The following LRCH3 variants were observed in gnomAD, a reference collection of about 807,000 sequenced individuals.
The protein encoded by LRCH3 is leucine rich repeats and calponin homology domain containing 3.
In LRCH3, 68 loss-of-function variants were observed where a neutral mutation model predicts 104.5. The observed-to-expected ratio is 0.65, with a 90% confidence interval of 0.54 to 0.80. LRCH3 has a LOEUF of 0.80. Ranked by LOEUF, LRCH3 falls within the 30% of genes least tolerant of loss-of-function variation. LRCH3 has a pLI of 0.00. For synonymous variants in LRCH3, 344 were observed against 361.3 expected, an observed-to-expected ratio of 0.95 and a Z score of 0.54; for missense variants, 951 against 953.9, an observed-to-expected ratio of 1.00 and a Z score of 0.04.
chr3:197,792,606 A>AAATATACATATATATAT (rs1730724358), intron 1 of LRCH3, among the ~76,000 whole-genome samples: 1 of 37,946 alleles, frequency 2.6e-5, no homozygotes, highest in African/African-American at 6.4e-5. Context: ...TATATATATA[A>AAATATACATATATATAT]AATATACATA....
intron 12 of LRCH3, chr3:197,852,211 G>A (rs1171230587): frequency 4.9e-6 from 1 of 205,932 alleles, no homozygotes; most frequent in African/African-American, 2.3e-5. Flanking sequence ...ATATGAGGTG[G>A]AGTGGGGTTT....
rs143455842 is a variant in LRCH3 at position 197,791,302 on chromosome 3, T to C, written c.24T>C (p.Ala8=). The C allele has an allele frequency of 1.4e-3, 2,239 of 1,608,846 alleles. 2 individuals carry two copies. The highest frequency in any genetic ancestry group is 1.7e-3 in the Admixed American group (101 of 59,682). ...AAATGGCGGCCGCGGGCTTGGTCGC[T>C]GTGGCAGCGGCTGCCGAGTACTCTG... MAAAGLV[A]VAAAAEYSGT... is the part of the protein sequence containing the mutation. The change falls in exon 1 of 21, where the codon GCT becomes GCC. Residue 8 remains alanine (A), a synonymous_variant. Coordinates refer to ENST00000425562, the MANE Select transcript of LRCH3 (RefSeq NM_001365715.1).
intron 10 of LRCH3, among the ~76,000 whole-genome samples, chr3:197,846,881 G>GTT (rs201067685): frequency 6.6e-6 from 1 of 150,636 alleles, no homozygotes; most frequent in African/African-American, 2.4e-5. Context: ...CTTTTTTTTT[G>GTT]TTTTTTTAAG....
In LRCH3 at chr3:197,879,984, C is replaced by A. The variant is rs569929079; in HGVS notation, c.2209-3557C>A. ...TTTTTGAGACGGAGTCTCGCTCTGT[C>A]ACCCAGGCTGGAGTGCGGTGGCGCG... is the stretch of plus-strand genomic sequence containing the variant. On this transcript the variant is annotated intron_variant, in intron 20 of 20. Coordinates refer to ENST00000425562, the MANE Select transcript of LRCH3 (RefSeq NM_001365715.1). 2.3e-3 allele frequency among the ~76,000 whole-genome samples: 343 copies of A among 148,956 alleles called. 1 individual carries two copies. The highest frequency in any genetic ancestry group is 3.1e-3 in the Non-Finnish European group (210 of 67,536).
At chr3:197,827,531 G>A (rs189275480) in intron 5 of LRCH3, among the ~76,000 whole-genome samples, 360 of 152,270 alleles carry the variant, frequency 2.4e-3, no homozygotes, top group Admixed American at 7.8e-3. Context: ...TTTATCATTC[G>A]GTTAGAAAAT....
intron 3 of LRCH3, among the ~76,000 whole-genome samples, chr3:197,817,905 T>C (rs113659034): frequency 0.023 from 3,509 of 152,146 alleles, 72 homozygotes; most frequent in East Asian, 0.054. Flanking sequence ...ACTGCAAGCT[T>C]TGCCTCCCAG....
At chr3:197,827,302 T>C (rs1410725024) in intron 5 of LRCH3, among the ~76,000 whole-genome samples, 1 of 151,876 alleles carries the variant, frequency 6.6e-6, no homozygotes. Flanking sequence ...TAAACCATAA[T>C]GGAAGCATCA....
At chr3:197,863,355 A>G (rs1741098861) in intron 15 of LRCH3, among the ~76,000 whole-genome samples, 3 of 152,076 alleles carry the variant, frequency 2.0e-5, no homozygotes, top group South Asian at 4.1e-4. Flanking sequence ...CTCCGCCTCC[A>G]TGTTCAAGCG....
intron 14 of LRCH3, among the ~76,000 whole-genome samples, chr3:197,855,329 C>T (rs1481306392): frequency 6.6e-6 from 1 of 152,200 alleles, no homozygotes; most frequent in Non-Finnish European, 1.5e-5. Flanking sequence ...TCATCACACT[C>T]TAGAGTTTTA....
At position 197,812,504 on chromosome 3, in the gene LRCH3, GTT is replaced by G. The variant is rs71623380; in HGVS notation, c.263-2379_263-2378del. 1.7e-3 allele frequency among the ~76,000 whole-genome samples: 83 copies of G among 48,974 alleles called. 2 individuals carry two copies. In the South Asian group the frequency reaches 0.031, roughly 19 times the overall value. The allele number at this position is 48,974 out of a possible 152,430, so 32.1% of individuals were successfully genotyped here. The stretch of plus-strand genomic sequence containing the variant: ...ATATCTGTTCAAGTCTCTGCTTTCA[GTT>G]TTTTTTTTTTTTTTTTTTTTTTTTA... On this transcript the variant is annotated intron_variant, in intron 1 of 20. Coordinates refer to ENST00000425562, the MANE Select transcript of LRCH3 (RefSeq NM_001365715.1).
At chr3:197,794,745 C>T (rs950435937) in intron 1 of LRCH3, among the ~76,000 whole-genome samples, 9 of 152,184 alleles carry the variant, frequency 5.9e-5, no homozygotes, top group Non-Finnish European at 1.2e-4. Context: ...TGGCTCTCGC[C>T]TATAATCCCA....
chr3:197,808,057 A>G (rs528921157), intron 1 of LRCH3, among the ~76,000 whole-genome samples: 54 of 152,316 alleles, frequency 3.5e-4, no homozygotes, highest in African/African-American at 1.3e-3. Flanking sequence ...GTCACCCACA[A>G]ATTCATACAT....
chr3:197,803,401 A>G (rs1402707910), intron 1 of LRCH3, among the ~76,000 whole-genome samples: 1 of 152,192 alleles, frequency 6.6e-6, no homozygotes, highest in Admixed American at 6.5e-5. Flanking sequence ...TACTAGAGAG[A>G]TTCAGGAGAT....
intron 20 of LRCH3, chr3:197,881,425 G>C: frequency 1.0e-6 from 1 of 985,580 alleles, no homozygotes; most frequent in Non-Finnish European, 1.2e-6. Flanking sequence ...GAGCAGATGG[G>C]CTGGAGCTGG....
At chr3:197,873,115 C>T (rs1712428548) in intron 19 of LRCH3, among the ~76,000 whole-genome samples, 1 of 152,116 alleles carries the variant, frequency 6.6e-6, no homozygotes, top group South Asian at 2.1e-4. Flanking sequence ...TGGCAGTCCA[C>T]AAAAGAACAG....
At chr3:197,869,415 G>T (rs552862187) in intron 17 of LRCH3, among the ~76,000 whole-genome samples, 2 of 151,396 alleles carry the variant, frequency 1.3e-5, no homozygotes, top group East Asian at 3.9e-4. Context: ...CACTGTACCT[G>T]CAGGAGGTAG....
At chr3:197,878,276 A>C (rs538676475) in intron 20 of LRCH3, among the ~76,000 whole-genome samples, 2 of 152,306 alleles carry the variant, frequency 1.3e-5, no homozygotes, top group Non-Finnish European at 2.9e-5. Context: ...TCTGAGATTT[A>C]AAGTCCGTAC....
At position 197,835,807 on chromosome 3, in the gene LRCH3, G is replaced by A; in HGVS notation, c.1236G>A (p.Arg412=). 4 of 1,614,106 alleles carry A rather than the reference G, an allele frequency of 2.5e-6. No individual in the cohort carries two copies. Among genetic ancestry groups the A allele is most frequent in the Non-Finnish European group, 3.4e-6 (4 of 1,180,012 alleles). ...AGTTTATGGCGTATATTGAACAGCG[G>A]CGAATCTCTCATGAGGTAGTACACA... ...SSQFMAYIEQ[R]RISHEGSPVK... Residue 412 remains arginine, a synonymous_variant, in exon 9 of 21, where the codon CGG becomes CGA. Coordinates refer to ENST00000425562, the MANE Select transcript of LRCH3 (RefSeq NM_001365715.1).
At chr3:197,838,377 G>A (rs1737219970) in intron 9 of LRCH3, among the ~76,000 whole-genome samples, 1 of 152,220 alleles carries the variant, frequency 6.6e-6, no homozygotes, top group Non-Finnish European at 1.5e-5. Context: ...ACAGTCAGTT[G>A]TTAGCCCTTT....
Sources: gnomAD v4.1 joint callset for allele counts (sites outside exome capture counted in the v4.1 genomes callset) on GRCh38, gnomAD v4.1.1 for gene constraint, MANE v1.5 for transcripts, NCBI Gene and HGNC (gene_info 2026-07-23, HGNC 2026-07-21) for gene names.